Variants in LHFPL3 observed in about 807,000 individuals in gnomAD.
LHFPL3 encodes the protein LHFPL tetraspan subfamily member 3.
LHFPL3 carries 5 observed loss-of-function variants against 19.3 expected under a neutral mutation model. That is an observed-to-expected ratio of 0.26 (90% CI 0.14 to 0.54). The LOEUF (loss-of-function observed/expected upper bound fraction) is 0.54, where lower values mean the gene tolerates loss of function less well. Among genes scored for constraint, LHFPL3 ranks in the 20% least tolerant of loss-of-function variants. LHFPL3 has a pLI of 0.94. For synonymous variants in LHFPL3, 133 were observed against 126.2 expected, an observed-to-expected ratio of 1.05 and a Z score of -0.36; for missense variants, 249 against 307.4, an observed-to-expected ratio of 0.81 and a Z score of 1.42.
intron 1 of LHFPL3, among the ~76,000 whole-genome samples, chr7:104,437,471 C>T (rs569395381): frequency 4.6e-5 from 7 of 152,154 alleles, no homozygotes; most frequent in Non-Finnish European, 8.8e-5. Flanking sequence ...GCAGAGTTAG[C>T]CCAGACCCCT....
At chr7:104,471,368 C>A (rs1273860077) in intron 1 of LHFPL3, among the ~76,000 whole-genome samples, 1 of 152,180 alleles carries the variant, frequency 6.6e-6, no homozygotes, top group Non-Finnish European at 1.5e-5. Flanking sequence ...CCTGTTGAAA[C>A]AAAGCAAGGT....
chr7:104,699,553 G>A (rs1793062232), intron 1 of LHFPL3, among the ~76,000 whole-genome samples: 1 of 152,150 alleles, frequency 6.6e-6, no homozygotes, highest in African/African-American at 2.4e-5. Flanking sequence ...AAAGGAGAAT[G>A]GGGAATTAGT....
At chr7:104,385,495 A>T (rs1419394121) in intron 1 of LHFPL3, among the ~76,000 whole-genome samples, 1 of 152,200 alleles carries the variant, frequency 6.6e-6, no homozygotes, top group African/African-American at 2.4e-5. Context: ...TGAAGGCTGG[A>T]TTTGGCACCA....
chr7:104,522,958 C>G (rs745545472), intron 1 of LHFPL3, among the ~76,000 whole-genome samples: 3 of 132,896 alleles, frequency 2.3e-5, no homozygotes, highest in Non-Finnish European at 3.3e-5. Flanking sequence ...GTCTGTCTCT[C>G]TCTCTATATA....
chr7:104,668,939 C>T, intron 1 of LHFPL3: 1 of 1,612,422 alleles, frequency 6.2e-7, no homozygotes, highest in Non-Finnish European at 8.5e-7. Context: ...GAACGACGGC[C>T]TCGGGAGAGA....
At chr7:104,422,310 G>A (rs896117674) in intron 1 of LHFPL3, among the ~76,000 whole-genome samples, 4 of 152,258 alleles carry the variant, frequency 2.6e-5, no homozygotes, top group Admixed American at 6.5e-5. Flanking sequence ...GCAGTGAGCC[G>A]AGATTGTGCC....
intron 1 of LHFPL3, among the ~76,000 whole-genome samples, chr7:104,510,713 G>T (rs1363415612): frequency 6.6e-6 from 1 of 152,156 alleles, no homozygotes; most frequent in Non-Finnish European, 1.5e-5. Flanking sequence ...TAAAACTCTT[G>T]CTCTGTGAAA....
At chr7:104,560,529 C>T in intron 1 of LHFPL3, among the ~76,000 whole-genome samples, 1 of 148,524 alleles carries the variant, frequency 6.7e-6, no homozygotes, top group Non-Finnish European at 1.5e-5. Context: ...TGGTGATATC[C>T]CCTTTATCAT....
At chr7:104,601,812 G>T (rs907745421) in intron 1 of LHFPL3, among the ~76,000 whole-genome samples, 1 of 151,982 alleles carries the variant, frequency 6.6e-6, no homozygotes, top group Non-Finnish European at 1.5e-5. Context: ...GCTGGCTCTG[G>T]TCCACATGAT....
intron 1 of LHFPL3, among the ~76,000 whole-genome samples, chr7:104,423,465 T>G (rs1381520678): frequency 6.6e-6 from 1 of 152,046 alleles, no homozygotes; most frequent in African/African-American, 2.4e-5. Context: ...TTAAAAAAAA[T>G]TAGCTGGGCA....
intron 1 of LHFPL3, among the ~76,000 whole-genome samples, chr7:104,518,039 A>G (rs367792391): frequency 6.6e-6 from 1 of 152,132 alleles, no homozygotes; most frequent in African/African-American, 2.4e-5. Context: ...CCAAAAGTCA[A>G]ATTGATGCTG....
chr7:104,559,687 A>G (rs963817642), intron 1 of LHFPL3, among the ~76,000 whole-genome samples: 5 of 152,044 alleles, frequency 3.3e-5, no homozygotes, highest in African/African-American at 9.7e-5. Context: ...TCTCCTGCCT[A>G]ATTGCCCTGG....
chr7:104,645,235 T>C (rs1483961634), intron 1 of LHFPL3, among the ~76,000 whole-genome samples: 1 of 152,238 alleles, frequency 6.6e-6, no homozygotes, highest in Non-Finnish European at 1.5e-5. Context: ...TGTTTAATGA[T>C]GCATTTCTCC....
chr7:104,891,605 T>A (rs1462909541), intron 2 of LHFPL3, among the ~76,000 whole-genome samples: 1 of 152,224 alleles, frequency 6.6e-6, no homozygotes, highest in East Asian at 1.9e-4. Context: ...GAATTGGCAT[T>A]CTCTTGTGTT....
intron 2 of LHFPL3, among the ~76,000 whole-genome samples, chr7:104,884,825 G>A (rs1792119921): frequency 6.6e-6 from 1 of 152,142 alleles, no homozygotes; most frequent in Non-Finnish European, 1.5e-5. Context: ...GGAAAGGAGG[G>A]GTTCTGTAAC....
chr7:104,758,663 A>G (rs1037615052), intron 2 of LHFPL3, among the ~76,000 whole-genome samples: 1 of 152,186 alleles, frequency 6.6e-6, no homozygotes, highest in African/African-American at 2.4e-5. Flanking sequence ...TTTCAGGCAT[A>G]GAGTCATCTG....
intron 1 of LHFPL3, among the ~76,000 whole-genome samples, chr7:104,577,560 G>A (rs2116009964): frequency 6.6e-6 from 1 of 152,230 alleles, no homozygotes; most frequent in Non-Finnish European, 1.5e-5. Flanking sequence ...ATGCAAGTGT[G>A]AGTGTGTATT....
chr7:104,415,314 A>G (rs1791599979), intron 1 of LHFPL3, among the ~76,000 whole-genome samples: 1 of 152,190 alleles, frequency 6.6e-6, no homozygotes, highest in South Asian at 2.1e-4. Context: ...TCTTAATTAT[A>G]CTGTGAATGA....
At chr7:104,639,707 G>A (rs1317094461) in intron 1 of LHFPL3, among the ~76,000 whole-genome samples, 10 of 152,134 alleles carry the variant, frequency 6.6e-5, no homozygotes, top group Admixed American at 6.5e-4. Context: ...TGCAGACTAT[G>A]GTTTGGCTCT....
Sources: gnomAD v4.1 joint callset for allele counts (sites outside exome capture counted in the v4.1 genomes callset) on GRCh38, gnomAD v4.1.1 for gene constraint, MANE v1.5 for transcripts, NCBI Gene and HGNC (gene_info 2026-07-23, HGNC 2026-07-21) for gene names.